Variants in PTPRN2 observed in about 807,000 individuals in gnomAD.
PTPRN2 encodes protein tyrosine phosphatase receptor type N2, also known as receptor-type tyrosine-protein phosphatase N2.
Under a neutral mutation model 118.8 loss-of-function variants are expected in PTPRN2, and 74 were observed. That is an observed-to-expected ratio of 0.62 (90% CI 0.52 to 0.76). The LOEUF (loss-of-function observed/expected upper bound fraction) is 0.76. Ranked by LOEUF, PTPRN2 falls within the 30% of genes least tolerant of loss-of-function variation. PTPRN2 has a pLI of 0.00. For synonymous variants in PTPRN2, 641 were observed against 608.0 expected, an observed-to-expected ratio of 1.05 and a Z score of -0.80; for missense variants, 1,481 against 1,394.4, an observed-to-expected ratio of 1.06 and a Z score of -0.99.
chr7:158,063,701 C>T (rs1332513197), intron 11 of PTPRN2, among the ~76,000 whole-genome samples: 1 of 152,198 alleles, frequency 6.6e-6, no homozygotes, highest in Non-Finnish European at 1.5e-5. Flanking sequence ...AATCTGAATA[C>T]ATCCAAACAT....
intron 12 of PTPRN2, among the ~76,000 whole-genome samples, chr7:157,783,494 A>G (rs1404715840): frequency 3.3e-5 from 5 of 149,484 alleles, no homozygotes; most frequent in Non-Finnish European, 7.4e-5. Flanking sequence ...ACAATCCTGA[A>G]CATTACCTTG....
intron 11 of PTPRN2, among the ~76,000 whole-genome samples, chr7:158,014,308 A>G (rs1806277041): frequency 6.7e-6 from 1 of 148,824 alleles, no homozygotes; most frequent in Non-Finnish European, 1.5e-5. Context: ...ACCAGCATCC[A>G]TCCACCCATC....
At position 158,300,255 on chromosome 7, in the gene PTPRN2, A is replaced by G. The variant is rs75445665; in HGVS notation, c.277+16564T>C. On this transcript the variant is annotated intron_variant, in intron 3 of 22. Coordinates refer to ENST00000389418, the MANE Select transcript of PTPRN2 (RefSeq NM_002847.5). ...CCCACTGTGGCATTTCCCAATGGTG[A>G]CAGTCAGGCTCTACCCCTAGCCCTT... 8.0e-3 allele frequency among the ~76,000 whole-genome samples: 1,220 copies of G among 152,270 alleles called. 23 individuals are homozygous for G. The highest frequency in any genetic ancestry group is 0.027 in the African/African-American group (1,133 of 41,558).
chr7:158,404,495 G>T (rs759395955), intron 2 of PTPRN2, among the ~76,000 whole-genome samples: 1 of 152,194 alleles, frequency 6.6e-6, no homozygotes, highest in African/African-American at 2.4e-5. Flanking sequence ...ACCAGGACCC[G>T]TGAGGACGGG....
At chr7:157,651,592 C>T (rs577491729) in intron 14 of PTPRN2, among the ~76,000 whole-genome samples, 4 of 152,318 alleles carry the variant, frequency 2.6e-5, no homozygotes, top group African/African-American at 7.2e-5. Flanking sequence ...CACTCTTCTC[C>T]ACCTCCTCAC....
At chr7:157,887,188 G>A (rs947268631) in intron 12 of PTPRN2, among the ~76,000 whole-genome samples, 3 of 152,144 alleles carry the variant, frequency 2.0e-5, no homozygotes, top group African/African-American at 4.8e-5. Flanking sequence ...CCTCAGATGG[G>A]CTGAATGCAG....
chr7:158,327,718 C>G (rs1303357135), intron 2 of PTPRN2, among the ~76,000 whole-genome samples: 1 of 152,224 alleles, frequency 6.6e-6, no homozygotes, highest in African/African-American at 2.4e-5. Flanking sequence ...TGGGGTCCCT[C>G]AGGACCCTGC....
intron 6 of PTPRN2, among the ~76,000 whole-genome samples, chr7:158,139,560 T>C (rs1379206648): frequency 6.6e-6 from 1 of 151,918 alleles, no homozygotes; most frequent in Non-Finnish European, 1.5e-5. Flanking sequence ...CTGGGAAGGA[T>C]TGTCACTCAG....
At chr7:158,472,756 C>T (rs768969200) in intron 2 of PTPRN2, among the ~76,000 whole-genome samples, 4 of 152,170 alleles carry the variant, frequency 2.6e-5, no homozygotes, top group Admixed American at 6.5e-5. Context: ...GATTAGACGG[C>T]GCCTCTAAAA....
chr7:158,472,113 C>T (rs563458732), intron 2 of PTPRN2, among the ~76,000 whole-genome samples: 1 of 152,376 alleles, frequency 6.6e-6, no homozygotes, highest in East Asian at 1.9e-4. Context: ...CTGACCAATA[C>T]GTGACCATTT....
chr7:157,776,848 T>C (rs1286586103), intron 12 of PTPRN2, among the ~76,000 whole-genome samples: 67 of 48,342 alleles, frequency 1.4e-3, no homozygotes, highest in East Asian at 2.0e-3. Flanking sequence ...TCCTCCTCCC[T>C]CTCCTCCTCC....
intron 2 of PTPRN2, among the ~76,000 whole-genome samples, chr7:158,486,330 T>C (rs1821020157): frequency 6.6e-6 from 1 of 152,268 alleles, no homozygotes; most frequent in African/African-American, 2.4e-5. Context: ...TTTGTTTTCC[T>C]TTTTTCTATT....
chr7:158,059,540 A>ACACG (rs766067207), intron 11 of PTPRN2, among the ~76,000 whole-genome samples: 11 of 108,004 alleles, frequency 1.0e-4, no homozygotes, highest in Non-Finnish European at 1.4e-4. Flanking sequence ...CTCCATCTGC[A>ACACG]GTGACACATC....
chr7:157,566,108 G>C (rs1799474099), intron 21 of PTPRN2, among the ~76,000 whole-genome samples: 1 of 152,228 alleles, frequency 6.6e-6, no homozygotes, highest in Non-Finnish European at 1.5e-5. Flanking sequence ...GTGTGGACAA[G>C]TGCTGCTCTG....
intron 2 of PTPRN2, among the ~76,000 whole-genome samples, chr7:158,469,179 C>A (rs766914527): frequency 7.2e-5 from 11 of 152,228 alleles, no homozygotes; most frequent in Non-Finnish European, 1.2e-4. Context: ...CAGTGGCTCA[C>A]ACCTGTAACC....
chr7:157,569,624 A>G (rs1488220657), intron 20 of PTPRN2, among the ~76,000 whole-genome samples: 1 of 152,236 alleles, frequency 6.6e-6, no homozygotes, highest in African/African-American at 2.4e-5. Context: ...TTTGAATAAT[A>G]CTTCAACAGT....
chr7:158,184,233 T>G (rs1461651113), intron 5 of PTPRN2, among the ~76,000 whole-genome samples: 1 of 152,164 alleles, frequency 6.6e-6, no homozygotes, highest in African/African-American at 2.4e-5. Context: ...CACTATTGAG[T>G]CTTTAGACAC....
chr7:157,709,138 G>A (rs1319893051), intron 12 of PTPRN2, among the ~76,000 whole-genome samples: 2 of 152,230 alleles, frequency 1.3e-5, no homozygotes, highest in Admixed American at 1.3e-4. Flanking sequence ...GTCGGGGGCT[G>A]TGCTGCCCAT....
chr7:158,387,515 A>C (rs1586541975), intron 2 of PTPRN2, among the ~76,000 whole-genome samples: 1 of 47,228 alleles, frequency 2.1e-5, no homozygotes, highest in Non-Finnish European at 5.2e-5. Context: ...ACGATGTTGG[A>C]AAGCACTCTC....
Sources: gnomAD v4.1 joint callset for allele counts (sites outside exome capture counted in the v4.1 genomes callset) on GRCh38, gnomAD v4.1.1 for gene constraint, MANE v1.5 for transcripts, NCBI Gene and HGNC (gene_info 2026-07-23, HGNC 2026-07-21) for gene names.